Variants in CSMD1 observed in about 807,000 individuals in gnomAD.
The protein encoded by CSMD1 is CUB and sushi domain-containing protein 1.
A neutral mutation model predicts 417.5 loss-of-function variants in CSMD1; 213 were observed. That is an observed-to-expected ratio of 0.51 (90% CI 0.46 to 0.57). The LOEUF is 0.57. CSMD1 is among the 20% of genes least tolerant of loss of function. The pLI, the probability that CSMD1 is intolerant of heterozygous loss-of-function variation, is 0.00. For missense variants in CSMD1, 6,923 were observed against 4,529.7 expected (o/e 1.53, Z -15.17); for synonymous variants, 2,862 against 1,736.8 (o/e 1.65, Z -16.11).
intron 37 of CSMD1, among the ~76,000 whole-genome samples, chr8:3,168,205 C>T (rs137887286): frequency 1.4e-4 from 21 of 152,262 alleles, no homozygotes; most frequent in African/African-American, 5.1e-4. Context: ...ATACAGACAC[C>T]TGAGTATTCA....
intron 5 of CSMD1, among the ~76,000 whole-genome samples, chr8:3,921,189 G>C (rs1584967846): frequency 6.6e-6 from 1 of 152,040 alleles, no homozygotes; most frequent in East Asian, 1.9e-4. Context: ...GATTCATCTT[G>C]GTAGGTTATC....
chr8:3,012,792 A>G (rs891664258), intron 52 of CSMD1, among the ~76,000 whole-genome samples: 10 of 152,142 alleles, frequency 6.6e-5, no homozygotes, highest in African/African-American at 2.2e-4. Context: ...TTCTCTGTAC[A>G]CAGTGCCTGC....
intron 21 of CSMD1, among the ~76,000 whole-genome samples, chr8:3,350,427 G>T (rs1265463870): frequency 6.6e-6 from 1 of 152,056 alleles, no homozygotes; most frequent in Non-Finnish European, 1.5e-5. Context: ...CAAACCAAAT[G>T]TCTTTCCCAA....
chr8:3,242,949 A>G (rs577728569), intron 26 of CSMD1, among the ~76,000 whole-genome samples: 2 of 152,222 alleles, frequency 1.3e-5, no homozygotes, highest in Admixed American at 6.5e-5. Context: ...TGGGTGAACA[A>G]TCAGAGAGAT....
intron 3 of CSMD1, among the ~76,000 whole-genome samples, chr8:4,131,394 C>T (rs749324911): frequency 5.9e-5 from 9 of 152,136 alleles, no homozygotes; most frequent in African/African-American, 2.4e-5. Context: ...TCCCTTAAGC[C>T]TTCCTTGAGC....
At chr8:4,721,390 A>T (rs983103158) in intron 1 of CSMD1, among the ~76,000 whole-genome samples, 1 of 152,180 alleles carries the variant, frequency 6.6e-6, no homozygotes, top group Non-Finnish European at 1.5e-5. Flanking sequence ...AGAATCATCA[A>T]ATATAAAAAA....
At chr8:4,630,645 C>G (rs1222521870) in intron 2 of CSMD1, among the ~76,000 whole-genome samples, 1 of 152,118 alleles carries the variant, frequency 6.6e-6, no homozygotes, top group African/African-American at 2.4e-5. Flanking sequence ...AGAATAGTGA[C>G]AAAATCACCT....
intron 57 of CSMD1, among the ~76,000 whole-genome samples, chr8:2,972,775 T>C (rs1585074213): frequency 6.6e-6 from 1 of 152,298 alleles, no homozygotes; most frequent in African/African-American, 2.4e-5. Context: ...GTGATCTGCA[T>C]TGGTCCTGCT....
intron 1 of CSMD1, among the ~76,000 whole-genome samples, chr8:4,869,646 T>G (rs944041818): frequency 2.6e-5 from 4 of 152,184 alleles, no homozygotes; most frequent in African/African-American, 7.2e-5. Flanking sequence ...TATTCTCTGC[T>G]AATACAGATT....
At chr8:3,484,657 C>G (rs1166702424) in intron 11 of CSMD1, among the ~76,000 whole-genome samples, 1 of 152,164 alleles carries the variant, frequency 6.6e-6, no homozygotes, top group African/African-American at 2.4e-5. Context: ...AGACAAGCCG[C>G]AGACTGAGAA....
At chr8:4,726,280 T>C (rs983758759) in intron 1 of CSMD1, among the ~76,000 whole-genome samples, 10 of 151,988 alleles carry the variant, frequency 6.6e-5, no homozygotes, top group African/African-American at 2.4e-4. Flanking sequence ...TTTGATCCTT[T>C]GTAGTAATGG....
chr8:3,572,235 G>A (rs529640113), intron 10 of CSMD1, among the ~76,000 whole-genome samples: 1 of 152,278 alleles, frequency 6.6e-6, no homozygotes, highest in East Asian at 1.9e-4. Context: ...GTGGGGCTGT[G>A]TCAAAAGGAG....
intron 1 of CSMD1, among the ~76,000 whole-genome samples, chr8:4,917,333 C>A (rs927401415): frequency 1.3e-5 from 2 of 152,212 alleles, no homozygotes; most frequent in East Asian, 1.9e-4. Flanking sequence ...CTGGGCATTA[C>A]AATTCAACAT....
chr8:3,411,746 A>C (rs538518796), intron 12 of CSMD1, among the ~76,000 whole-genome samples: 22 of 134,222 alleles, frequency 1.6e-4, no homozygotes, highest in Admixed American at 3.8e-4. Context: ...GTGTATATAT[A>C]CACGTGTATA....
chr8:4,868,826 C>T (rs566095409), intron 1 of CSMD1, among the ~76,000 whole-genome samples: 1 of 151,462 alleles, frequency 6.6e-6, no homozygotes, highest in African/African-American at 2.4e-5. Flanking sequence ...TGTATCAGCT[C>T]CTCTACAAAA....
intron 10 of CSMD1, among the ~76,000 whole-genome samples, chr8:3,512,419 G>C (rs867584179): frequency 1.3e-5 from 2 of 152,020 alleles, no homozygotes; most frequent in African/African-American, 4.8e-5. Flanking sequence ...TTGGTGCACA[G>C]AATTTGATTT....
At chr8:3,742,881 T>A (rs1378170137) in intron 6 of CSMD1, among the ~76,000 whole-genome samples, 1 of 152,250 alleles carries the variant, frequency 6.6e-6, no homozygotes, top group Non-Finnish European at 1.5e-5. Flanking sequence ...GTGTTATGAC[T>A]GCAATGGATA....
intron 1 of CSMD1, among the ~76,000 whole-genome samples, chr8:4,717,310 C>CTAT (rs1808719060): frequency 7.3e-6 from 1 of 137,132 alleles, no homozygotes; most frequent in African/African-American, 3.0e-5. Context: ...TCTCTCTCTC[C>CTAT]ATATATATAT....
At chr8:3,540,059 C>A (rs1798373738) in intron 10 of CSMD1, among the ~76,000 whole-genome samples, 1 of 152,168 alleles carries the variant, frequency 6.6e-6, no homozygotes, top group Non-Finnish European at 1.5e-5. Context: ...ACACTGCAAT[C>A]TCTGATTGGC....
Sources: allele counts gnomAD v4.1 joint callset (sites outside exome capture counted in the v4.1 genomes callset), GRCh38; gene constraint gnomAD v4.1.1; transcripts MANE v1.5; gene names NCBI Gene and HGNC (gene_info 2026-07-23, HGNC 2026-07-21).